MEIOC: variants seen among roughly 807,000 people sequenced by gnomAD.
MEIOC encodes the protein meiosis-specific coiled-coil domain-containing protein MEIOC.
Under a neutral mutation model 85.3 loss-of-function variants are expected in MEIOC, and 9 were observed. The observed-to-expected ratio is 0.11, with a 90% CI of 0.06 to 0.18. The LOEUF is 0.18. Ranked by LOEUF, MEIOC falls within the 10% of genes least tolerant of loss-of-function variation. The pLI, the probability that MEIOC is intolerant of heterozygous loss-of-function variation, is 1.00. For missense variants in MEIOC, 898 were observed against 1,129.4 expected (o/e 0.80, Z 2.94); for synonymous variants, 365 against 393.7 (o/e 0.93, Z 0.86).
intron 5 of MEIOC, 42 bp from the exon 6 acceptor site, chr17:44,669,341 T>C: frequency 6.8e-7 from 1 of 1,463,496 alleles, no homozygotes; most frequent in Non-Finnish European, 9.3e-7. Flanking sequence ...TCGAATCATA[T>C]TTAGAAAATT....
At position 44,666,676 on chromosome 17, in the gene MEIOC, A is replaced by C. The variant is rs1285601649; in HGVS notation, c.765A>C (p.Thr255=). The change falls in exon 5 of 8, where the codon ACA becomes ACC. Residue 255 remains threonine, a synonymous_variant. Transcript: ENST00000409122. ...GTCACAATATTCAGACAAATGATACAGCTAAGACAACATTCCAAGAATATC... is the reference window on the plus strand; with the variant it reads ...GTCACAATATTCAGACAAATGATACCGCTAAGACAACATTCCAAGAATATC... ...SNCHNIQTND[T]AKTTFQEYPL... 6.2e-7 allele frequency: 1 copy of C among 1,612,242 alleles called. No homozygotes were observed. Among genetic ancestry groups the C allele is most frequent in the East Asian group, 2.2e-5 (1 of 44,856 alleles).
In MEIOC at chr17:44,662,329, G is replaced by C; in HGVS notation, c.217G>C (p.Val73Leu). ...DCYTSQSEDN[V>L]DLRQTYTPFS... The stretch of plus-strand genomic sequence containing the variant: ...TTAAAACTTTCAGAGTGAAGACAAT[G>C]TAGACCTAAGGCAGACCTATACTCC... The change falls in exon 3 of 8, where the codon GTA (valine) becomes CTA (leucine). Residue 73 changes from valine to leucine, a missense_variant. Val to Leu is a conservative substitution (Grantham distance 32). Transcript: ENST00000409122. 3 of 1,544,166 alleles carry C rather than the reference G, an allele frequency of 1.9e-6. No individual in the cohort carries two copies. The highest frequency in any genetic ancestry group is 2.6e-6 in the Non-Finnish European group (3 of 1,144,972).
At chr17:44,672,808 C>A (rs1261769886) in intron 6 of MEIOC, among the ~76,000 whole-genome samples, 3 of 152,084 alleles carry the variant, frequency 2.0e-5, no homozygotes, top group African/African-American at 7.2e-5. Flanking sequence ...TTACAGGAGT[C>A]ATTTTGTATT....
chr17:44,669,544 G>T (rs903200022), intron 6 of MEIOC, 27 bp downstream of exon 6: 4 of 1,550,620 alleles, frequency 2.6e-6, no homozygotes, highest in Non-Finnish European at 3.5e-6. Flanking sequence ...GATAACAGTG[G>T]ATGGATTTTT....
In MEIOC at chr17:44,675,024, A is replaced by T. The variant is rs1972057124; in HGVS notation, c.*828A>T. The stretch of plus-strand genomic sequence containing the variant: ...TAACTGAAATAATGACTACTGTTTT[A>T]ATACCCTTAGTTTGCTGCCTTTTAT... On this transcript the variant is annotated 3_prime_UTR_variant, in exon 8 of 8. Coordinates refer to ENST00000409122, the MANE Select transcript of MEIOC (RefSeq NM_001145080.3). 1 of 985,034 alleles carries T rather than the reference A, an allele frequency of 1.0e-6. No individual in the cohort carries two copies. Among genetic ancestry groups the T allele is most frequent in the Non-Finnish European group, 1.2e-6 (1 of 829,570 alleles). The allele number at this position is 985,034 out of a possible 1,614,324, so 61.0% of individuals were successfully genotyped here. A position where few individuals can be genotyped will look rare whatever the true frequency, so the allele number is the denominator to read the frequency against.
chr17:44,661,913 C>A (rs778321574), intron 2 of MEIOC, among the ~76,000 whole-genome samples: 1 of 152,008 alleles, frequency 6.6e-6, no homozygotes, highest in Non-Finnish European at 1.5e-5. Context: ...CTTATCTATT[C>A]AAAAAATTAC....
Position 44,667,005 on chromosome 17 carries a change from C to T in MEIOC, c.1094C>T (p.Ala365Val). ...NGTPETPTVE[A>V]DTYTKLFQVK... is the part of the protein sequence containing the mutation. ...ACACCTGAAACACCAACTGTAGAAG[C>T]AGACACCTACACAAAGTTATTTCAG... The change falls in exon 5 of 8, where the codon GCA becomes GTA. Residue 365 changes from alanine (A) to valine (V), a missense_variant. Physicochemically the swap from Ala to Val is moderately conservative, Grantham distance 64 (BLOSUM62 0). This residue lies in a region of MEIOC where 734 missense variants were observed against 860.1 expected (regional missense o/e 0.85). Transcript: ENST00000409122. The T allele has an allele frequency of 6.2e-7, 1 of 1,613,622 alleles. No individual in the cohort carries two copies. The highest frequency in any genetic ancestry group is 8.5e-7 in the Non-Finnish European group (1 of 1,179,718).
chr17:44,669,991 C>T (rs142529342), intron 6 of MEIOC: 362 of 153,892 alleles, frequency 2.4e-3, no homozygotes, highest in Admixed American at 5.1e-3. Context: ...AGGAAAGGGG[C>T]TGGGTGCAGT....
downstream of MEIOC, among the ~76,000 whole-genome samples, chr17:44,676,439 T>C (rs988924613): frequency 6.6e-6 from 1 of 152,212 alleles, no homozygotes; most frequent in Non-Finnish European, 1.5e-5. Flanking sequence ...TCTGCTACTA[T>C]AAAGTTTTAG....
chr17:44,657,311 T>G, intron 2 of MEIOC, 50 bp downstream of exon 2: 1 of 1,525,162 alleles, frequency 6.6e-7, no homozygotes, highest in Non-Finnish European at 8.9e-7. Context: ...TCAAATGGAT[T>G]TACTCGAGCC....
At chr17:44,657,068 C>T (rs1243828444) in intron 1 of MEIOC, 59 bp from the exon 2 acceptor site, 1 of 1,514,538 alleles carries the variant, frequency 6.6e-7, no homozygotes, top group Non-Finnish European at 8.9e-7. Flanking sequence ...CGGGCCGTTT[C>T]AGCTCCGGCG....
intron 6 of MEIOC, among the ~76,000 whole-genome samples, chr17:44,671,442 C>T (rs533566873): frequency 1.4e-4 from 21 of 151,640 alleles, no homozygotes; most frequent in African/African-American, 4.8e-4. Flanking sequence ...CCCAGCTACT[C>T]GGAAGGCTTA....
chr17:44,658,803 A>AAAG (rs1568131644), intron 2 of MEIOC, among the ~76,000 whole-genome samples: 1 of 151,710 alleles, frequency 6.6e-6, no homozygotes, highest in African/African-American at 2.4e-5. Flanking sequence ...AAAAAAAAAA[A>AAAG]AAAAAGAAAA....
chr17:44,667,740 C>T lies in MEIOC; in HGVS notation c.1829C>T (p.Ala610Val), dbSNP rs181140076. ...IENVNKHNFQ[A>V]KPQSGHYDPE... ...AATGTAAACAAACATAATTTTCAAG[C>T]CAAGCCCCAGAGTGGACATTATGAT... The change falls in exon 5 of 8, where the codon GCC becomes GTC. Residue 610 changes from alanine (A) to valine (V), a missense_variant. Coordinates refer to ENST00000409122, the MANE Select transcript of MEIOC (RefSeq NM_001145080.3). 5 of 1,613,666 alleles carry T rather than the reference C, an allele frequency of 3.1e-6. No homozygotes were observed. The highest frequency in any genetic ancestry group is 2.7e-5 in the African/African-American group (2 of 75,000).
chr17:44,666,467 A>G lies in MEIOC; in HGVS notation c.556A>G (p.Ile186Val). Residue 186 changes from isoleucine to valine, a missense_variant, in exon 5 of 8, where the codon ATA becomes GTA. Physicochemically the swap from Ile to Val is conservative, Grantham distance 29. Transcript: ENST00000409122. ...CCTCTTAACAGAAACCAAAAGGCCA[A>G]TAGATACAGTCATCTCTCAGCAAGC... ...HDLLTETKRP[I>V]DTVISQQAFY... The G allele has an allele frequency of 1.3e-6, 2 of 1,574,198 alleles. No individual in the cohort carries two copies. Among genetic ancestry groups the G allele is most frequent in the African/African-American group, 1.3e-5 (1 of 74,378 alleles).
rs1317827144 is a variant in MEIOC at position 44,674,217 on chromosome 17, GAAT to G, written c.*24_*26del. On this transcript the variant is annotated 3_prime_UTR_variant, in exon 8 of 8. Coordinates refer to ENST00000409122, the MANE Select transcript of MEIOC (RefSeq NM_001145080.3). ...ATTAAGGAAATGCCAGCAGAAAGAAGAATAAAAAGCTGATAAATATACCAAGAC... is the reference window on the plus strand; with the variant it reads ...ATTAAGGAAATGCCAGCAGAAAGAAGAAAAAGCTGATAAATATACCAAGAC... The G allele has an allele frequency of 2.6e-6, 4 of 1,532,682 alleles. No individual in the cohort carries two copies. Among genetic ancestry groups the G allele is most frequent in the Non-Finnish European group, 3.5e-6 (4 of 1,137,466 alleles). 94.9% of individuals were successfully genotyped at this position (1,532,682 alleles called of 1,614,324 possible).
chr17:44,673,777 T>C (rs1436215515), intron 7 of MEIOC, 199 bp from the exon 8 acceptor site: 1 of 743,800 alleles, frequency 1.3e-6, no homozygotes, highest in African/African-American at 1.8e-5. Flanking sequence ...TAGTCACTAT[T>C]GTACAAGTCA....
At chr17:44,670,402 AT>A (rs1230569406) in intron 6 of MEIOC, 1 of 151,848 alleles carries the variant, frequency 6.6e-6, no homozygotes, top group African/African-American at 2.4e-5. Context: ...AACTGAAAGA[AT>A]TTTTTAAAAA....
intron 6 of MEIOC, among the ~76,000 whole-genome samples, chr17:44,672,875 A>G (rs1972031700): frequency 6.6e-6 from 1 of 152,218 alleles, no homozygotes. Flanking sequence ...TAAAGCTATC[A>G]CTAGTCAGTA....
Sources: allele counts gnomAD v4.1 joint callset (sites outside exome capture counted in the v4.1 genomes callset), GRCh38; gene constraint gnomAD v4.1.1; regional missense constraint gnomAD v4.1.1; transcripts MANE v1.5; gene names NCBI Gene and HGNC (gene_info 2026-07-23, HGNC 2026-07-21).